PLA2R1: variants seen among roughly 807,000 people sequenced by gnomAD.
PLA2R1 encodes the protein phospholipase A2 receptor 1, also known as secretory phospholipase A2 receptor.
Under a neutral mutation model 195.9 loss-of-function variants are expected in PLA2R1, and 158 were observed. That is an observed-to-expected ratio of 0.81 (90% CI 0.71 to 0.92). The LOEUF is 0.92. Among genes scored for constraint, PLA2R1 ranks in the 40% least tolerant of loss-of-function variants. PLA2R1 has a pLI of 0.00. For synonymous variants in PLA2R1, 586 were observed against 598.2 expected, an observed-to-expected ratio of 0.98 and a Z score of 0.30; for missense variants, 1,626 against 1,764.6, an observed-to-expected ratio of 0.92 and a Z score of 1.41.
intron 4 of PLA2R1, among the ~76,000 whole-genome samples, chr2:160,031,707 T>G (rs1220543797): frequency 6.6e-6 from 1 of 152,228 alleles, no homozygotes; most frequent in African/African-American, 2.4e-5. Flanking sequence ...GGTGGTTAAA[T>G]CACTTGCTTG....
chr2:160,015,359 A>G (rs1237818652), intron 9 of PLA2R1, among the ~76,000 whole-genome samples: 1 of 152,248 alleles, frequency 6.6e-6, no homozygotes, highest in African/African-American at 2.4e-5. Flanking sequence ...TCTAAAAAAG[A>G]GAAAACTTTC....
intron 11 of PLA2R1, among the ~76,000 whole-genome samples, chr2:159,992,165 G>A (rs1265319621): frequency 6.6e-6 from 1 of 151,092 alleles, no homozygotes; most frequent in Non-Finnish European, 1.5e-5. Flanking sequence ...TCTAACTGGT[G>A]TGAGATGGGT....
rs1686848734 is a variant in PLA2R1 at position 159,936,619 on chromosome 2, C to T, written c.*5159G>A. The T allele has an allele frequency of 6.6e-6, 1 of 152,214 alleles. No homozygotes were observed. The highest frequency in any genetic ancestry group is 2.4e-5 in the African/African-American group (1 of 41,448). 9.4% of individuals were successfully genotyped at this position (152,214 alleles called of 1,614,324 possible). On this transcript the variant is annotated 3_prime_UTR_variant, in exon 30 of 30. Transcript: ENST00000283243. ...TTTCCTGAGCACACAAAGCAGAAGA[C>T]TTCCTGGATTTCCTTTCAGTTAGGT...
intron 11 of PLA2R1, among the ~76,000 whole-genome samples, chr2:159,989,697 T>G (rs1005588466): frequency 6.6e-6 from 1 of 152,180 alleles, no homozygotes; most frequent in Admixed American, 6.5e-5. Flanking sequence ...CTATAAAATA[T>G]GAAGAGCTAA....
chr2:160,062,398 C>A lies in PLA2R1; in HGVS notation c.6G>T (p.Leu2=), dbSNP rs1696029842. The A allele has an allele frequency of 6.5e-7, 1 of 1,540,940 alleles. No homozygotes were observed. Among genetic ancestry groups the A allele is most frequent in the Non-Finnish European group, 8.7e-7 (1 of 1,143,070 alleles). Residue 2 remains leucine (L), a synonymous_variant, in exon 1 of 30, where the codon CTG becomes CTT. Coordinates refer to ENST00000283243, the MANE Select transcript of PLA2R1 (RefSeq NM_007366.5). ...GCAGCAGCAGCAGCGACGGCGACAG[C>A]AGCATCGCTAACCACTGGGCTCTCC... The part of the protein sequence containing the change: M[L]LSPSLLLLLL...
chr2:160,020,002 G>T, intron 8 of PLA2R1, 104 bp downstream of exon 8: 1 of 709,372 alleles, frequency 1.4e-6, no homozygotes. Flanking sequence ...ATGAGGAACA[G>T]GGACTGCACC....
intron 10 of PLA2R1, among the ~76,000 whole-genome samples, chr2:160,006,368 G>A (rs1405651622): frequency 2.6e-5 from 4 of 152,214 alleles, no homozygotes; most frequent in Non-Finnish European, 5.9e-5. Context: ...TTCATAGGCA[G>A]AGGTAGGTCT....
chr2:160,042,800 CGT>C (rs111414981), intron 2 of PLA2R1, among the ~76,000 whole-genome samples: 1,664 of 119,648 alleles, frequency 0.014, 13 homozygotes, highest in African/African-American at 0.019. Context: ...TGTGTGTGTG[CGT>C]GTGTGTGTGT....
intron 11 of PLA2R1, among the ~76,000 whole-genome samples, chr2:160,000,296 TAAGAA>T (rs1271469582): frequency 1.3e-5 from 2 of 152,174 alleles, no homozygotes; most frequent in Non-Finnish European, 2.9e-5. Context: ...GAGTGAATAA[TAAGAA>T]AAGAAATAAC....
intron 6 of PLA2R1, among the ~76,000 whole-genome samples, chr2:160,027,036 G>A (rs1199192881): frequency 6.6e-6 from 1 of 152,192 alleles, no homozygotes; most frequent in Non-Finnish European, 1.5e-5. Flanking sequence ...GAGAGGCTGA[G>A]GCAGAATTGC....
intron 10 of PLA2R1, among the ~76,000 whole-genome samples, chr2:160,008,821 A>AAT (rs1692164098): frequency 6.6e-6 from 1 of 152,246 alleles, no homozygotes. Context: ...TAATATCCAG[A>AAT]ATATATTAAA....
At chr2:159,990,084 A>T (rs1690657487) in intron 11 of PLA2R1, among the ~76,000 whole-genome samples, 1 of 152,158 alleles carries the variant, frequency 6.6e-6, no homozygotes, top group South Asian at 2.1e-4. Context: ...GTAAAGTGGT[A>T]TAATAAAGGG....
intron 7 of PLA2R1, among the ~76,000 whole-genome samples, chr2:160,022,319 T>C (rs773288912): frequency 6.6e-6 from 1 of 152,036 alleles, no homozygotes; most frequent in Non-Finnish European, 1.5e-5. Context: ...CCCTTTATTA[T>C]GTGGATTACA....
In PLA2R1 at chr2:159,932,540, G is replaced by T. The variant is rs904898723; in HGVS notation, c.*9238C>A. On this transcript the variant is annotated 3_prime_UTR_variant, in exon 30 of 30. Transcript: ENST00000283243. ...CTTTCTTTGAGTTTTTCCTTGTTCT[G>T]CCTTCTGGTTCTCTATCTCTCCGTC... 6.6e-6 allele frequency: 1 copy of T among 152,188 alleles called. No individual in the cohort carries two copies. The highest frequency in any genetic ancestry group is 1.5e-5 in the Non-Finnish European group (1 of 68,078). The allele number at this position is 152,188 out of a possible 1,614,324, so 9.4% of individuals were successfully genotyped here.
At position 159,937,861 on chromosome 2, in the gene PLA2R1, A is replaced by C. The variant is rs1686906710; in HGVS notation, c.*3917T>G. The C allele has an allele frequency of 1.3e-5, 2 of 152,240 alleles. No homozygotes were observed. The highest frequency in any genetic ancestry group is 4.1e-4 in the South Asian group (2 of 4,830). 9.4% of individuals were successfully genotyped at this position (152,240 alleles called of 1,614,324 possible). ...TGAGGATCTACAGAATGAGTTTACAATTTCTTTATTAAAAGAAGCTTCACT... is the reference window on the plus strand; with the variant it reads ...TGAGGATCTACAGAATGAGTTTACACTTTCTTTATTAAAAGAAGCTTCACT... On this transcript the variant is annotated 3_prime_UTR_variant, in exon 30 of 30. Transcript: ENST00000283243.
At chr2:159,995,900 C>T (rs1691177927) in intron 11 of PLA2R1, among the ~76,000 whole-genome samples, 1 of 152,024 alleles carries the variant, frequency 6.6e-6, no homozygotes. Flanking sequence ...GATGAACCTA[C>T]AAGGACACAT....
intron 4 of PLA2R1, among the ~76,000 whole-genome samples, chr2:160,029,418 C>G (rs964464552): frequency 1.2e-4 from 18 of 151,878 alleles, no homozygotes; most frequent in African/African-American, 4.4e-4. Flanking sequence ...CAGGAGATGT[C>G]TGCTCAACAG....
rs1261080775 is a variant in PLA2R1, at chr2:159,946,474, C to T, written c.3967+327G>A. 3.0e-6 allele frequency: 3 copies of T among 1,015,628 alleles called. No homozygotes were observed. The African/African-American group carries it at 5.2e-5, about 18-fold the overall frequency. The allele number at this position is 1,015,628 out of a possible 1,614,324, so 62.9% of individuals were successfully genotyped here. ...ATTGTGCTTTTATAACATTTAGAAA[C>T]CTGGGATATTTTCCAGTAAATATGG... On this transcript the variant is annotated intron_variant, in intron 27 of 29. Coordinates refer to ENST00000283243, the MANE Select transcript of PLA2R1 (RefSeq NM_007366.5).
intron 11 of PLA2R1, among the ~76,000 whole-genome samples, chr2:160,003,494 G>T (rs1691746970): frequency 6.6e-6 from 1 of 151,870 alleles, no homozygotes; most frequent in Non-Finnish European, 1.5e-5. Context: ...ATCAAATTAT[G>T]TGACCATGTA....
Sources: allele counts gnomAD v4.1 joint callset (sites outside exome capture counted in the v4.1 genomes callset), GRCh38; gene constraint gnomAD v4.1.1; transcripts MANE v1.5; gene names NCBI Gene and HGNC (gene_info 2026-07-23, HGNC 2026-07-21).